Variants in UBE3C observed in about 807,000 individuals in gnomAD.
UBE3C encodes the protein ubiquitin-protein ligase E3C.
Under a neutral mutation model 129.4 loss-of-function variants are expected in UBE3C, and 42 were observed. The observed-to-expected ratio is 0.32, with a 90% CI of 0.25 to 0.42. The LOEUF (loss-of-function observed/expected upper bound fraction) is 0.42. Ranked by LOEUF, UBE3C falls within the 10% of genes least tolerant of loss-of-function variation. The pLI is 1.00. For missense variants in UBE3C, 1,049 were observed against 1,319.1 expected, an observed-to-expected ratio of 0.80 and a Z score of 3.17; for synonymous variants, 510 against 492.4, an observed-to-expected ratio of 1.04 and a Z score of -0.47.
chr7:157,147,718 C>T (rs1807645898), intron 1 of UBE3C, among the ~76,000 whole-genome samples: 1 of 152,136 alleles, frequency 6.6e-6, no homozygotes, highest in African/African-American at 2.4e-5. Flanking sequence ...GGAAATTCCC[C>T]TCTATTCCTA....
intron 1 of UBE3C, among the ~76,000 whole-genome samples, chr7:157,155,439 A>T (rs1163935899): frequency 1.3e-5 from 2 of 152,184 alleles, no homozygotes; most frequent in Non-Finnish European, 1.5e-5. Context: ...GGTTTTTTTT[A>T]AATCAAGATA....
At chr7:157,202,421 C>G (rs1809315817) in intron 11 of UBE3C, among the ~76,000 whole-genome samples, 1 of 152,214 alleles carries the variant, frequency 6.6e-6, no homozygotes, top group Admixed American at 6.5e-5. Flanking sequence ...CTTTGGGAGG[C>G]CGAGGCCAGC....
At chr7:157,167,339 A>C (rs190195309) in intron 2 of UBE3C, among the ~76,000 whole-genome samples, 413 of 152,324 alleles carry the variant, frequency 2.7e-3, no homozygotes, top group African/African-American at 9.7e-3. Context: ...TGTAGATGGC[A>C]TTCATAGAAG....
In UBE3C at chr7:157,186,368, G is replaced by A. The variant is rs117354991; in HGVS notation, c.1144-466G>A. ...TGGGAGGCGGAGGTTGCAGTGAGCC[G>A]AGATTGTGCCACTCAGTCCAGTCTG... On this transcript the variant is annotated intron_variant, in intron 9 of 22. Transcript: ENST00000348165. Among the ~76,000 whole-genome samples the A allele has an allele frequency of 1.5e-3, 221 of 151,422 alleles. 5 individuals carry two copies. In the East Asian group the frequency reaches 0.036, roughly 25 times the overall value.
chr7:157,230,574 A>G (rs1469293878), intron 17 of UBE3C, among the ~76,000 whole-genome samples: 1 of 151,694 alleles, frequency 6.6e-6, no homozygotes, highest in Admixed American at 6.6e-5. Context: ...ACACGCCTGT[A>G]GTCTTAGCTA....
At position 157,175,137 on chromosome 7, in the gene UBE3C, C is replaced by CTTTTTTTTTTTTT. The variant is rs56852731; in HGVS notation, c.458+112_458+124dup. 284 of 252,692 alleles carry CTTTTTTTTTTTTT rather than the reference C, an allele frequency of 1.1e-3. 7 individuals are homozygous for CTTTTTTTTTTTTT. Among genetic ancestry groups the CTTTTTTTTTTTTT allele is most frequent in the African/African-American group, 1.7e-3 (41 of 24,212 alleles). 15.7% of individuals were successfully genotyped at this position (252,692 alleles called of 1,614,324 possible). A position where few individuals can be genotyped will look rare whatever the true frequency, so the allele number is the denominator to read the frequency against. On this transcript the variant is annotated intron_variant, in intron 5 of 22. Coordinates refer to ENST00000348165, the MANE Select transcript of UBE3C (RefSeq NM_014671.3). ...TTTCAGAGACAGTGGCTTTTCCATA[C>CTTTTTTTTTTTTT]TTTTTTTTTTTTTTTTTTTTTGAGG...
chr7:157,231,276 G>A lies in UBE3C; in HGVS notation c.2430G>A (p.Val810=). Residue 810 remains valine, a synonymous_variant, in exon 18 of 23, where the codon GTG becomes GTA. Transcript: ENST00000348165. ...LYPNPAAQML[V]GDSFARHYYF... ...CCAACCCGGCTGCTCAGATGCTTGT[G>A]GGAGATTCTTTTGCCAGACATTACT... is the stretch of plus-strand genomic sequence containing the variant. 6.2e-7 allele frequency: 1 copy of A among 1,614,156 alleles called. No homozygotes were observed. The highest frequency in any genetic ancestry group is 8.5e-7 in the Non-Finnish European group (1 of 1,180,038).
chr7:157,157,983 TATATAGAGAG>T (rs1381328144), intron 1 of UBE3C, among the ~76,000 whole-genome samples: 2 of 143,770 alleles, frequency 1.4e-5, no homozygotes, highest in African/African-American at 2.7e-5. Flanking sequence ...GATATATATA[TATATAGAGAG>T]AGAGAGAGAG....
chr7:157,255,003 C>T (rs1054750716), intron 21 of UBE3C, among the ~76,000 whole-genome samples: 1 of 151,746 alleles, frequency 6.6e-6, no homozygotes, highest in Non-Finnish European at 1.5e-5. Flanking sequence ...GTCCCATCTA[C>T]GTCGGGTGCT....
chr7:157,156,793 G>A (rs1310200646), intron 1 of UBE3C, among the ~76,000 whole-genome samples: 1 of 150,806 alleles, frequency 6.6e-6, no homozygotes, highest in Admixed American at 6.6e-5. Flanking sequence ...TAATACTCTC[G>A]GAGACAGTTC....
chr7:157,152,464 T>G (rs949279964), intron 1 of UBE3C, among the ~76,000 whole-genome samples: 13 of 152,198 alleles, frequency 8.5e-5, no homozygotes, highest in Non-Finnish European at 1.8e-4. Context: ...AATGAGGGCC[T>G]AAAACCTGCA....
intron 13 of UBE3C, among the ~76,000 whole-genome samples, chr7:157,208,183 T>C (rs932498264): frequency 6.9e-6 from 1 of 144,980 alleles, no homozygotes; most frequent in Non-Finnish European, 1.5e-5. Flanking sequence ...CAAGCAATCC[T>C]CTCACCTCAG....
chr7:157,159,920 G>A (rs1036089260), intron 1 of UBE3C, among the ~76,000 whole-genome samples: 6 of 152,148 alleles, frequency 3.9e-5, no homozygotes, highest in South Asian at 2.1e-4. Context: ...CTGTCTAATA[G>A]AGCCTAATCT....
At chr7:157,175,137 C>CCTTTTTTTTTT (rs1301124616) in intron 5 of UBE3C, 103 bp downstream of exon 5, 1 of 226,514 alleles carries the variant, frequency 4.4e-6, no homozygotes, top group African/African-American at 4.3e-5. Flanking sequence ...CTTTTCCATA[C>CCTTTTTTTTTT]TTTTTTTTTT....
intron 10 of UBE3C, 80 bp from the exon 11 acceptor site, chr7:157,201,637 CTTTT>C (rs10713758): frequency 5.9e-4 from 132 of 223,002 alleles, no homozygotes; most frequent in Middle Eastern, 1.4e-3. Context: ...CAGTGTATCG[CTTTT>C]TTTTTTTTTT....
intron 18 of UBE3C, among the ~76,000 whole-genome samples, chr7:157,233,292 G>T (rs1796070124): frequency 6.6e-6 from 1 of 152,124 alleles, no homozygotes; most frequent in Admixed American, 6.5e-5. Context: ...ACACTTTGGG[G>T]TTTGTTTTTT....
At chr7:157,175,647 G>C (rs1034519681) in intron 5 of UBE3C, among the ~76,000 whole-genome samples, 1 of 151,930 alleles carries the variant, frequency 6.6e-6, no homozygotes, top group Non-Finnish European at 1.5e-5. Flanking sequence ...TCTGGACACT[G>C]TCTGTAATAT....
chr7:157,253,619 T>G (rs375568698), intron 19 of UBE3C, among the ~76,000 whole-genome samples: 11 of 152,334 alleles, frequency 7.2e-5, no homozygotes, highest in African/African-American at 2.6e-4. Context: ...TAACGGTGAT[T>G]GTTTGCTTCA....
chr7:157,254,398 A>ATTAATT, intron 21 of UBE3C, 88 bp downstream of exon 21: 2 of 629,384 alleles, frequency 3.2e-6, no homozygotes, highest in African/African-American at 7.6e-5. Context: ...TAATTAATTT[A>ATTAATT]TTTATTTTTT....
Sources: allele counts gnomAD v4.1 joint callset (sites outside exome capture counted in the v4.1 genomes callset), GRCh38; gene constraint gnomAD v4.1.1; transcripts MANE v1.5; gene names NCBI Gene and HGNC (gene_info 2026-07-23, HGNC 2026-07-21).